MAGI2: variants seen among roughly 807,000 people sequenced by gnomAD.
The protein encoded by MAGI2 is membrane associated guanylate kinase, WW and PDZ domain containing 2.
MAGI2 carries 35 observed loss-of-function variants against 133.3 expected under a neutral mutation model. The ratio of observed to expected loss-of-function variants is 0.26; its 90% CI spans 0.20 to 0.35. The LOEUF is 0.35. Ranked by LOEUF, MAGI2 falls within the 10% of genes least tolerant of loss-of-function variation. The pLI is 1.00. For synonymous variants in MAGI2, 729 were observed against 710.6 expected (o/e 1.03, Z -0.41); for missense variants, 1,636 against 1,863.4 (o/e 0.88, Z 2.25).
At chr7:78,515,566 G>A (rs1329311154) in intron 4 of MAGI2, among the ~76,000 whole-genome samples, 7 of 152,160 alleles carry the variant, frequency 4.6e-5, no homozygotes, top group African/African-American at 1.2e-4. Flanking sequence ...ATATTTAAAG[G>A]TATATGCTAA....
chr7:78,242,242 TG>T (rs755664099), intron 10 of MAGI2, among the ~76,000 whole-genome samples: 11 of 152,158 alleles, frequency 7.2e-5, no homozygotes, highest in Non-Finnish European at 1.0e-4. Context: ...TTTGCACTTT[TG>T]GTCTTATTTT....
At chr7:78,889,566 C>G (rs1467409862) in intron 2 of MAGI2, among the ~76,000 whole-genome samples, 1 of 152,128 alleles carries the variant, frequency 6.6e-6, no homozygotes, top group Non-Finnish European at 1.5e-5. Context: ...ACAGTGGGGA[C>G]CAATATTTAA....
At chr7:79,338,000 A>G (rs1015017997) in intron 1 of MAGI2, among the ~76,000 whole-genome samples, 1 of 152,194 alleles carries the variant, frequency 6.6e-6, no homozygotes, top group Non-Finnish European at 1.5e-5. Flanking sequence ...AGCAATGAAC[A>G]TAAAACATCC....
At chr7:79,134,901 T>C (rs1198619477) in intron 1 of MAGI2, among the ~76,000 whole-genome samples, 1 of 152,174 alleles carries the variant, frequency 6.6e-6, no homozygotes. Context: ...TGTTTGTGTA[T>C]TAATAGAGGG....
intron 1 of MAGI2, among the ~76,000 whole-genome samples, chr7:79,017,175 A>G (rs1808820552): frequency 6.6e-6 from 1 of 152,172 alleles, no homozygotes; most frequent in Non-Finnish European, 1.5e-5. Context: ...TGAGGCTGGC[A>G]CCACCCATCA....
intron 3 of MAGI2, chr7:78,617,084 G>C (rs914252696): frequency 6.6e-6 from 1 of 152,114 alleles, no homozygotes; most frequent in Admixed American, 6.6e-5. Context: ...GGATAAGGTA[G>C]TCAGGTAGGA....
chr7:79,248,586 G>A (rs1289444459), intron 1 of MAGI2, among the ~76,000 whole-genome samples: 1 of 151,984 alleles, frequency 6.6e-6, no homozygotes, highest in Non-Finnish European at 1.5e-5. Flanking sequence ...CTTAGTACAT[G>A]GATCATTCTC....
intron 1 of MAGI2, among the ~76,000 whole-genome samples, chr7:79,137,978 G>A (rs1332813842): frequency 6.6e-6 from 1 of 152,162 alleles, no homozygotes; most frequent in African/African-American, 2.4e-5. Context: ...ACAAGAGACA[G>A]GTACCAGGTT....
intron 2 of MAGI2, among the ~76,000 whole-genome samples, chr7:78,909,931 G>A (rs774669591): frequency 3.9e-5 from 6 of 152,118 alleles, no homozygotes; most frequent in Non-Finnish European, 7.4e-5. Flanking sequence ...GTGGTACATA[G>A]AGACCATGGA....
intron 1 of MAGI2, among the ~76,000 whole-genome samples, chr7:79,326,777 A>G (rs966132718): frequency 6.6e-6 from 1 of 152,022 alleles, no homozygotes; most frequent in Non-Finnish European, 1.5e-5. Flanking sequence ...AATGAAATGG[A>G]GCAACTGAGA....
At chr7:79,338,866 G>T (rs1362619045) in intron 1 of MAGI2, among the ~76,000 whole-genome samples, 2 of 152,114 alleles carry the variant, frequency 1.3e-5, no homozygotes, top group African/African-American at 2.4e-5. Flanking sequence ...CCCACTTCCT[G>T]CTAAGGGATA....
intron 2 of MAGI2, among the ~76,000 whole-genome samples, chr7:78,972,955 AC>A (rs1395035070): frequency 6.6e-6 from 1 of 151,712 alleles, no homozygotes; most frequent in Non-Finnish European, 1.5e-5. Context: ...ACACACACAC[AC>A]ACACACACAC....
intron 1 of MAGI2, among the ~76,000 whole-genome samples, chr7:79,256,487 T>C (rs1374162273): frequency 2.4e-4 from 2 of 8,478 alleles, no homozygotes; most frequent in African/African-American, 3.7e-4. Flanking sequence ...TCTCTCTCTC[T>C]TTTTTTTTTT....
intron 2 of MAGI2, among the ~76,000 whole-genome samples, chr7:78,840,606 C>A (rs1324351171): frequency 1.3e-5 from 2 of 151,872 alleles, no homozygotes; most frequent in African/African-American, 4.8e-5. Context: ...AGTTGAGGAG[C>A]AAATAGTGAG....
At chr7:78,831,435 T>C (rs1251365890) in intron 2 of MAGI2, among the ~76,000 whole-genome samples, 3 of 151,982 alleles carry the variant, frequency 2.0e-5, no homozygotes, top group East Asian at 1.9e-4. Flanking sequence ...AAATTCTCTC[T>C]CTGTCACCCA....
At chr7:78,496,287 G>A (rs1444343630) in intron 5 of MAGI2, among the ~76,000 whole-genome samples, 3 of 152,186 alleles carry the variant, frequency 2.0e-5, no homozygotes, top group Non-Finnish European at 4.4e-5. Flanking sequence ...TCAAAAGCCT[G>A]CATTTAAAAA....
chr7:78,070,168 CACACACATATATATATATAT>C (rs1814372136), intron 21 of MAGI2, among the ~76,000 whole-genome samples: 2 of 78,102 alleles, frequency 2.6e-5, no homozygotes, highest in African/African-American at 5.7e-5. Flanking sequence ...TATATACACA[CACACACATATATATATATAT>C]ATATATATAT....
chr7:79,168,885 GATAGAT>G (rs1460647958), intron 1 of MAGI2, among the ~76,000 whole-genome samples: 184 of 138,732 alleles, frequency 1.3e-3, no homozygotes, highest in African/African-American at 4.7e-3. Flanking sequence ...TCTTTCTAAA[GATAGAT>G]ATATATATAT....
At position 78,325,096 on chromosome 7, in the gene MAGI2, C is replaced by T. The variant is rs556360672; in HGVS notation, c.1408+18682G>A. Reference sequence around the variant, plus strand: ...ATAACTGATTTAAAGCATGGCTCCTCCACCTTCCTTTTGGTAGCTATTTCA... The same window carrying T: ...ATAACTGATTTAAAGCATGGCTCCTTCACCTTCCTTTTGGTAGCTATTTCA... On this transcript the variant is annotated intron_variant, in intron 9 of 21. Transcript: ENST00000354212. 3.0e-4 allele frequency among the ~76,000 whole-genome samples: 45 copies of T among 152,308 alleles called. 1 individual carries two copies. The highest frequency in any genetic ancestry group is 2.5e-3 in the Admixed American group (38 of 15,288).
Sources: gnomAD v4.1 joint callset for allele counts (sites outside exome capture counted in the v4.1 genomes callset) on GRCh38, gnomAD v4.1.1 for gene constraint, MANE v1.5 for transcripts, NCBI Gene and HGNC (gene_info 2026-07-23, HGNC 2026-07-21) for gene names.